Variants in MSR1 observed in about 807,000 individuals in gnomAD.
MSR1 encodes the protein macrophage scavenger receptor 1, also known as macrophage scavenger receptor types I and II.
Under a neutral mutation model 47.2 loss-of-function variants are expected in MSR1, and 53 were observed. The ratio of observed to expected loss-of-function variants is 1.12; its 90% CI spans 0.90 to 1.41. The LOEUF (loss-of-function observed/expected upper bound fraction) is 1.41, where lower values mean the gene tolerates loss of function less well. Among genes scored for constraint, MSR1 ranks in the 40% most tolerant of loss-of-function variants. MSR1 has a pLI of 0.00. For missense variants in MSR1, 786 were observed against 546.9 expected, an observed-to-expected ratio of 1.44 and a Z score of -4.36; for synonymous variants, 239 against 185.6, an observed-to-expected ratio of 1.29 and a Z score of -2.34.
intron 8 of MSR1, among the ~76,000 whole-genome samples, chr8:16,138,009 A>G (rs74802617): frequency 2.9e-5 from 4 of 139,272 alleles, no homozygotes; most frequent in Non-Finnish European, 6.3e-5. Context: ...AAGATAAAGG[A>G]AAAAAAAAAA....
Position 16,140,897 on chromosome 8 carries a change from GT to G in MSR1, c.1033+2660del, listed in dbSNP as rs899434549. ...ACGGGAACCAAAGTCATTTGGAGGA[GT>G]CACAAAAGGATCTTGGAAGTCAGTT... On this transcript the variant is annotated intron_variant, in intron 8 of 9. Transcript: ENST00000262101. The G allele has an allele frequency of 8.8e-5, 142 of 1,609,370 alleles. 1 individual carries two copies. Among genetic ancestry groups the G allele is most frequent in the Non-Finnish European group, 1.1e-4 (130 of 1,177,950 alleles).
intron 8 of MSR1, among the ~76,000 whole-genome samples, chr8:16,125,848 C>A (rs1298818256): frequency 6.6e-6 from 1 of 152,018 alleles, no homozygotes; most frequent in East Asian, 1.9e-4. Context: ...CTCACTGCAG[C>A]CTCAAACTCC....
chr8:16,163,482 T>A (rs1801217615), intron 5 of MSR1, among the ~76,000 whole-genome samples: 1 of 151,424 alleles, frequency 6.6e-6, no homozygotes, highest in Non-Finnish European at 1.5e-5. Context: ...AGAAAAAATC[T>A]ATAATGTAAA....
chr8:16,136,418 A>AT (rs1800391128), intron 8 of MSR1, among the ~76,000 whole-genome samples: 1 of 152,174 alleles, frequency 6.6e-6, no homozygotes, highest in Non-Finnish European at 1.5e-5. Context: ...AAGAACACTT[A>AT]ATAGACTCCA....
intron 1 of MSR1, among the ~76,000 whole-genome samples, chr8:16,183,217 T>A (rs1056237069): frequency 6.6e-6 from 1 of 152,092 alleles, no homozygotes; most frequent in African/African-American, 2.4e-5. Flanking sequence ...TTTGAGATAT[T>A]CTGCCTCCAT....
intron 1 of MSR1, among the ~76,000 whole-genome samples, chr8:16,191,027 A>G (rs1444662061): frequency 6.6e-6 from 1 of 152,120 alleles, no homozygotes; most frequent in African/African-American, 2.4e-5. Context: ...GGCCCATCAT[A>G]TTCTTAAGGC....
intron 8 of MSR1, among the ~76,000 whole-genome samples, chr8:16,136,954 A>G (rs552972967): frequency 1.3e-5 from 2 of 152,120 alleles, no homozygotes; most frequent in East Asian, 3.9e-4. Flanking sequence ...AGCAGCATTT[A>G]CCTAAGTTAC....
intron 8 of MSR1, among the ~76,000 whole-genome samples, chr8:16,134,039 A>T (rs971892718): frequency 6.6e-6 from 1 of 152,146 alleles, no homozygotes; most frequent in African/African-American, 2.4e-5. Flanking sequence ...TGCAGGGTTC[A>T]TCTTCAATAT....
At chr8:16,133,337 G>A (rs1800309131) in intron 8 of MSR1, among the ~76,000 whole-genome samples, 2 of 152,076 alleles carry the variant, frequency 1.3e-5, no homozygotes, top group Admixed American at 6.6e-5. Context: ...AAAATATTTT[G>A]AGAGTGGGAA....
At chr8:16,163,655 G>A (rs1801222626) in intron 5 of MSR1, among the ~76,000 whole-genome samples, 1 of 151,422 alleles carries the variant, frequency 6.6e-6, no homozygotes, top group African/African-American at 2.4e-5. Flanking sequence ...TCATTATTTT[G>A]GAGAGTTCAA....
At chr8:16,131,775 A>G (rs1368973017) in intron 8 of MSR1, among the ~76,000 whole-genome samples, 4 of 151,978 alleles carry the variant, frequency 2.6e-5, no homozygotes, top group African/African-American at 9.7e-5. Context: ...CGGCTTTGTC[A>G]AAGATCAAAT....
At chr8:16,157,563 A>G (rs1415016650) in intron 5 of MSR1, among the ~76,000 whole-genome samples, 1 of 151,934 alleles carries the variant, frequency 6.6e-6, no homozygotes, top group African/African-American at 2.4e-5. Context: ...TCATTTTTGT[A>G]CATTGTTATA....
At chr8:16,160,787 AC>A (rs1459590271) in intron 5 of MSR1, among the ~76,000 whole-genome samples, 1 of 151,926 alleles carries the variant, frequency 6.6e-6, no homozygotes, top group African/African-American at 2.4e-5. Context: ...TTCTATATTA[AC>A]TTTTACTTGT....
intron 7 of MSR1, among the ~76,000 whole-genome samples, chr8:16,146,501 G>T (rs351556): frequency 0.02 from 2,995 of 151,954 alleles, 105 homozygotes; most frequent in African/African-American, 0.069. Context: ...TCCCTTCTCC[G>T]CATACCCTAA....
chr8:16,120,648 C>T, intron 8 of MSR1, 42 bp from the exon 9 acceptor site: 5 of 1,502,580 alleles, frequency 3.3e-6, no homozygotes, highest in Non-Finnish European at 4.4e-6. Flanking sequence ...AAAAGGCAAG[C>T]AAGGACTAAT....
chr8:16,118,641 G>T (rs570332419), intron 9 of MSR1, among the ~76,000 whole-genome samples: 5 of 151,922 alleles, frequency 3.3e-5, no homozygotes, highest in Non-Finnish European at 7.4e-5. Flanking sequence ...ATTACACCCC[G>T]CACTCCAGCC....
intron 3 of MSR1, among the ~76,000 whole-genome samples, chr8:16,171,150 G>A (rs1801474306): frequency 6.6e-6 from 1 of 151,284 alleles, no homozygotes; most frequent in Non-Finnish European, 1.5e-5. Context: ...CTTGAGCCCG[G>A]GAGGCGGAGG....
At chr8:16,164,272 T>C (rs1801243394) in intron 4 of MSR1, 21 bp from the exon 5 acceptor site, 1 of 1,599,468 alleles carries the variant, frequency 6.3e-7, no homozygotes, top group East Asian at 2.2e-5. Context: ...TAAGTGAGCA[T>C]TCACAGCCTT....
At chr8:16,126,417 T>G (rs1800129852) in intron 8 of MSR1, among the ~76,000 whole-genome samples, 1 of 152,172 alleles carries the variant, frequency 6.6e-6, no homozygotes, top group South Asian at 2.1e-4. Flanking sequence ...GGGTTAAATT[T>G]ATTACAATGG....
Sources: gnomAD v4.1 joint callset for allele counts (sites outside exome capture counted in the v4.1 genomes callset) on GRCh38, gnomAD v4.1.1 for gene constraint, MANE v1.5 for transcripts, NCBI Gene and HGNC (gene_info 2026-07-23, HGNC 2026-07-21) for gene names.